AHNAK: variants seen among roughly 807,000 people sequenced by gnomAD.
The protein encoded by AHNAK is neuroblast differentiation-associated protein AHNAK.
AHNAK carries 23 observed loss-of-function variants against 37.8 expected under a neutral mutation model. The observed-to-expected ratio is 0.61, with a 90% CI of 0.44 to 0.86. The LOEUF is 0.86. AHNAK is among the 40% of genes least tolerant of loss of function. The pLI is 0.00. For synonymous variants in AHNAK, 2,481 were observed against 2,636.3 expected (o/e 0.94, Z 1.80); for missense variants, 7,411 against 7,319.4 (o/e 1.01, Z -0.46).
rs760621725 is a variant in AHNAK at position 62,528,387 on chromosome 11, A to G, written c.6030T>C (p.Ser2010=). The G allele has an allele frequency of 6.2e-7, 1 of 1,612,780 alleles. No individual in the cohort carries two copies. Among genetic ancestry groups the G allele is most frequent in the East Asian group, 2.2e-5 (1 of 44,778 alleles). Residue 2010 remains serine (S), a synonymous_variant, in exon 5 of 5, where the codon TCT becomes TCC. Transcript: ENST00000378024. ...GPKVKGDMDV[S]VPKVEGEMKV... ...TCATTTCACCTTCTACCTTGGGCAC[A>G]GACACATCCATATCCCCTTTGACTT...
chr11:62,498,199 C>T (rs1311809545), intron 4 of AHNAK, among the ~76,000 whole-genome samples: 1 of 151,950 alleles, frequency 6.6e-6, no homozygotes, highest in Non-Finnish European at 1.5e-5. Flanking sequence ...GTTGTTGTGT[C>T]GTTGCTAACC....
Position 62,521,924 on chromosome 11 carries a change from T to C in AHNAK, c.12493A>G (p.Ile4165Val), listed in dbSNP as rs79785607. The change falls in exon 5 of 5, where the codon ATC (isoleucine) becomes GTC (valine). Residue 4165 changes from isoleucine (I) to valine (V), a missense_variant. Coordinates refer to ENST00000378024, the MANE Select transcript of AHNAK (RefSeq NM_001620.3). ...TCAATGTCCACTTTGGGGCCCTTGA[T>C]GTCAACTTCAGGGCCCTTGAGGTCG... ...EGDLKGPEVDIKGPKVDIDVP... is the reference protein window; with the variant it reads ...EGDLKGPEVDVKGPKVDIDVP... 1,771 of 1,613,354 alleles carry C rather than the reference T, an allele frequency of 1.1e-3. 13 individuals are homozygous for C. The African/African-American group carries it at 0.021, about 19-fold the overall frequency.
Position 62,518,025 on chromosome 11 carries a change from G to C in AHNAK, c.16392C>G (p.Ser5464Arg). Residue 5464 changes from serine to arginine, a missense_variant, in exon 5 of 5, where the codon AGC (serine) becomes AGG (arginine). Physicochemically the swap from Ser to Arg is moderately radical, Grantham distance 110. Coordinates refer to ENST00000378024, the MANE Select transcript of AHNAK (RefSeq NM_001620.3). ...FNLEGPKVKG[S>R]LGATGEIKGP... ...CTTTGATCTCACCAGTGGCCCCAAG[G>C]CTCCCTTTCACTTTTGGTCCTTCCA... 1 of 1,614,160 alleles carries C rather than the reference G, an allele frequency of 6.2e-7. No individual in the cohort carries two copies. Among genetic ancestry groups the C allele is most frequent in the Non-Finnish European group, 8.5e-7 (1 of 1,180,044 alleles).
chr11:62,501,764 G>A (rs1051717018), intron 4 of AHNAK, among the ~76,000 whole-genome samples: 19 of 152,292 alleles, frequency 1.2e-4, no homozygotes, highest in Non-Finnish European at 2.5e-4. Context: ...CGCTGGCCAC[G>A]GAGCCACTGT....
intron 5 of AHNAK, among the ~76,000 whole-genome samples, chr11:62,441,195 G>A (rs981778969): frequency 2.6e-4 from 39 of 151,504 alleles, no homozygotes; most frequent in African/African-American, 9.2e-4. Flanking sequence ...AGAGATGAGG[G>A]TTCATCATGT....
At chr11:62,459,034 G>A (rs954973232) in intron 5 of AHNAK, among the ~76,000 whole-genome samples, 1 of 152,116 alleles carries the variant, frequency 6.6e-6, no homozygotes, top group Non-Finnish European at 1.5e-5. Context: ...GCCTCTTGGG[G>A]TGCTAAAAGC....
In AHNAK at chr11:62,519,472, A is replaced by T. The variant is rs756302291; in HGVS notation, c.14945T>A (p.Phe4982Tyr). 1.9e-6 allele frequency: 3 copies of T among 1,612,832 alleles called. No homozygotes were observed. Among genetic ancestry groups the T allele is most frequent in the African/African-American group, 1.3e-5 (1 of 74,878 alleles). ...IPKFKKPKFGFGAKSPKADIK... is the reference protein window; with the variant it reads ...IPKFKKPKFGYGAKSPKADIK... ...GTCAGCTTTGGGGCTTTTTGCCCCA[A>T]ATCCAAACTTGGGTTTCTTAAATTT... Residue 4982 changes from phenylalanine (F) to tyrosine (Y), a missense_variant, in exon 5 of 5, where the codon TTT (phenylalanine) becomes TAT (tyrosine). By Grantham distance (22) the Phe-to-Tyr change is conservative (BLOSUM62 3). Transcript: ENST00000378024.
chr11:62,514,320 G>A (rs895124491), downstream of AHNAK, among the ~76,000 whole-genome samples: 2 of 152,180 alleles, frequency 1.3e-5, no homozygotes, highest in Non-Finnish European at 2.9e-5. Flanking sequence ...CAGAGTTGAG[G>A]AAGGAACAGG....
In AHNAK at chr11:62,533,414, C is replaced by G. The variant is rs1940832613; in HGVS notation, c.1003G>C (p.Glu335Gln). 6.2e-7 allele frequency: 1 copy of G among 1,608,916 alleles called. No homozygotes were observed. Among genetic ancestry groups the G allele is most frequent in the Non-Finnish European group, 8.5e-7 (1 of 1,177,390 alleles). Reference protein sequence around the residue: ...PKAGLRVSAPEVSVGHKGGKP... With the variant: ...PKAGLRVSAPQVSVGHKGGKP... ...CCGCCCTTGTGCCCCACAGAGACTT[C>G]AGGTGCAGAAACCCTCAGCCCTGCC... The change falls in exon 5 of 5, where the codon GAA (glutamate) becomes CAA (glutamine). Residue 335 changes from glutamate (E) to glutamine (Q), a missense_variant. Physicochemically the swap from Glu to Gln is conservative, Grantham distance 29 (BLOSUM62 2). Transcript: ENST00000378024.
chr11:62,480,612 G>T (rs1939248681), intron 5 of AHNAK, among the ~76,000 whole-genome samples: 2 of 151,660 alleles, frequency 1.3e-5, no homozygotes, highest in African/African-American at 4.9e-5. Context: ...AGTGAGCCGA[G>T]ATTGCGCCAT....
chr11:62,543,027 A>T (rs902609831), intron 1 of AHNAK, among the ~76,000 whole-genome samples: 19 of 151,888 alleles, frequency 1.3e-4, no homozygotes, highest in African/African-American at 3.6e-4. Context: ...CCGCCAGGAC[A>T]CGTAGCTGTA....
intron 5 of AHNAK, among the ~76,000 whole-genome samples, chr11:62,485,431 G>A (rs1939370091): frequency 2.6e-5 from 4 of 151,754 alleles, no homozygotes; most frequent in African/African-American, 4.8e-5. Flanking sequence ...TGCTGGGCGC[G>A]GTGGCTCACA....
Position 62,527,096 on chromosome 11 carries a change from A to G in AHNAK, c.7321T>C (p.Phe2441Leu). The change falls in exon 5 of 5, where the codon TTC becomes CTC. Residue 2441 changes from phenylalanine to leucine, a missense_variant. Phe to Leu is a conservative substitution (Grantham distance 22). Transcript: ENST00000378024. ...TTGAAATGCATATCAGGCATCTTGA[A>G]CTTAGGGCCTTTCAATTTGCCCTCT... ...GPEGKLKGPKFKMPDMHFKAP... is the reference protein window; with the variant it reads ...GPEGKLKGPKLKMPDMHFKAP... The G allele has an allele frequency of 1.9e-6, 3 of 1,614,150 alleles. No individual in the cohort carries two copies. Among genetic ancestry groups the G allele is most frequent in the Non-Finnish European group, 2.5e-6 (3 of 1,180,022 alleles).
chr11:62,489,140 C>CT (rs1251512898), intron 5 of AHNAK, among the ~76,000 whole-genome samples: 1 of 151,612 alleles, frequency 6.6e-6, no homozygotes, highest in African/African-American at 2.4e-5. Context: ...ACTCAGGAGG[C>CT]TGAGGCAGGA....
Position 62,524,051 on chromosome 11 carries a change from C to T in AHNAK, c.10366G>A (p.Val3456Ile), listed in dbSNP as rs1238906022. Reference sequence around the variant, plus strand: ...TCCACATCAGGTGCATTAAGATTGACTTCTGGTGCCTTAATATCCACTTTG... The same window carrying T: ...TCCACATCAGGTGCATTAAGATTGATTTCTGGTGCCTTAATATCCACTTTG... ...GPKVDIKAPE[V>I]NLNAPDVDVH... is the part of the protein sequence containing the mutation. The change falls in exon 5 of 5, where the codon GTC becomes ATC. Residue 3456 changes from valine (V) to isoleucine (I), a missense_variant. Physicochemically the swap from Val to Ile is conservative, Grantham distance 29. Coordinates refer to ENST00000378024, the MANE Select transcript of AHNAK (RefSeq NM_001620.3). 2 of 1,613,896 alleles carry T rather than the reference C, an allele frequency of 1.2e-6. No individual in the cohort carries two copies. The highest frequency in any genetic ancestry group is 2.7e-5 in the African/African-American group (2 of 74,884).
intron 5 of AHNAK, among the ~76,000 whole-genome samples, chr11:62,476,683 A>G (rs1287044276): frequency 6.6e-6 from 1 of 152,234 alleles, no homozygotes; most frequent in Non-Finnish European, 1.5e-5. Context: ...ATTCTACGCA[A>G]CAACAATGAA....
intron 4 of AHNAK, among the ~76,000 whole-genome samples, chr11:62,494,545 T>A (rs1341091908): frequency 6.6e-6 from 1 of 151,926 alleles, no homozygotes; most frequent in Non-Finnish European, 1.5e-5. Flanking sequence ...AGAGCTTAAA[T>A]AACTTGCCCT....
chr11:62,490,063 G>A (rs1939474181), intron 5 of AHNAK, among the ~76,000 whole-genome samples: 1 of 152,096 alleles, frequency 6.6e-6, no homozygotes, highest in Admixed American at 6.6e-5. Flanking sequence ...GGGAAGTGGG[G>A]GGACTGGAGT....
chr11:62,520,049 T>G lies in AHNAK; in HGVS notation c.14368A>C (p.Met4790Leu). 4.3e-6 allele frequency: 7 copies of G among 1,613,244 alleles called. No individual in the cohort carries two copies. The highest frequency in any genetic ancestry group is 5.9e-6 in the Non-Finnish European group (7 of 1,179,850). Residue 4790 changes from methionine to leucine, a missense_variant, in exon 5 of 5, where the codon ATG becomes CTG. Physicochemically the swap from Met to Leu is conservative, Grantham distance 15. Transcript: ENST00000378024. Reference protein sequence around the residue: ...MPKVKMPKFSMPGFKGEGPDV... With the variant: ...MPKVKMPKFSLPGFKGEGPDV... ...GGACCTTCTCCTTTGAAGCCAGGCA[T>G]GCTGAATTTGGGCATTTTCACCTTG... is the stretch of plus-strand genomic sequence containing the variant.
Sources: allele counts gnomAD v4.1 joint callset (sites outside exome capture counted in the v4.1 genomes callset), GRCh38; gene constraint gnomAD v4.1.1; transcripts MANE v1.5; gene names NCBI Gene and HGNC (gene_info 2026-07-23, HGNC 2026-07-21).